Variants in RBFOX1 observed in about 807,000 individuals in gnomAD.
RBFOX1 encodes RNA binding protein fox-1 homolog 1.
RBFOX1 carries 8 observed loss-of-function variants against 57.7 expected under a neutral mutation model. That is an observed-to-expected ratio of 0.14 (90% CI 0.08 to 0.25). The LOEUF (loss-of-function observed/expected upper bound fraction) is 0.25. RBFOX1 is among the 10% of genes least tolerant of loss of function. The pLI is 1.00. For synonymous variants in RBFOX1, 326 were observed against 222.4 expected, an observed-to-expected ratio of 1.47 and a Z score of -4.15; for missense variants, 611 against 548.5, an observed-to-expected ratio of 1.11 and a Z score of -1.14.
chr16:5,498,204 G>A (rs373077612), intron 2 of RBFOX1, among the ~76,000 whole-genome samples: 1 of 152,080 alleles, frequency 6.6e-6, no homozygotes, highest in African/African-American at 2.4e-5. Context: ...GTGCAATGGC[G>A]GGATCTCGGC....
chr16:5,375,773 C>T (rs1203674567), intron 1 of RBFOX1, among the ~76,000 whole-genome samples: 5 of 152,182 alleles, frequency 3.3e-5, no homozygotes, highest in Admixed American at 1.3e-4. Context: ...GCAGTGCGTT[C>T]GTCCCTGCAC....
chr16:7,689,452 A>C (rs1370089979), intron 14 of RBFOX1, among the ~76,000 whole-genome samples: 1 of 152,132 alleles, frequency 6.6e-6, no homozygotes, highest in Non-Finnish European at 1.5e-5. Context: ...TGCTACCTAC[A>C]GAACAGTGAA....
At chr16:5,855,976 C>CTTTTTTTTTT (rs1160702604) in intron 3 of RBFOX1, among the ~76,000 whole-genome samples, 10 of 77,692 alleles carry the variant, frequency 1.3e-4, no homozygotes, top group Non-Finnish European at 2.1e-4. Context: ...GTATGTTATT[C>CTTTTTTTTTT]TTTTTTTTTT....
chr16:7,216,138 T>C (rs982093748), intron 4 of RBFOX1, among the ~76,000 whole-genome samples: 3 of 152,226 alleles, frequency 2.0e-5, no homozygotes, highest in Admixed American at 6.5e-5. Context: ...CCAGACAACA[T>C]ACTGTTGTGT....
chr16:6,338,466 C>T (rs1396313505), intron 2 of RBFOX1, among the ~76,000 whole-genome samples: 1 of 152,192 alleles, frequency 6.6e-6, no homozygotes, highest in Non-Finnish European at 1.5e-5. Context: ...TTTTAATAGG[C>T]AGATGAGTTG....
chr16:6,501,033 G>T (rs2095901999), intron 2 of RBFOX1, among the ~76,000 whole-genome samples: 1 of 151,306 alleles, frequency 6.6e-6, no homozygotes, highest in Non-Finnish European at 1.5e-5. Context: ...AGGGTAGGAT[G>T]GTCTCACTGC....
intron 2 of RBFOX1, among the ~76,000 whole-genome samples, chr16:6,653,794 A>C (rs1217799948): frequency 6.6e-6 from 1 of 151,282 alleles, no homozygotes; most frequent in Non-Finnish European, 1.5e-5. Context: ...GGGTGGATGG[A>C]TGGATGAGTA....
At chr16:6,280,730 A>C (rs923598416) in intron 1 of RBFOX1, among the ~76,000 whole-genome samples, 1 of 152,090 alleles carries the variant, frequency 6.6e-6, no homozygotes, top group Non-Finnish European at 1.5e-5. Context: ...ATCACGGTTT[A>C]TGTGTTTATA....
intron 14 of RBFOX1, among the ~76,000 whole-genome samples, chr16:7,688,596 C>G (rs867054014): frequency 1.4e-4 from 22 of 151,890 alleles, no homozygotes; most frequent in African/African-American, 4.1e-4. Flanking sequence ...GGAAAACTGC[C>G]AAGAGATGAG....
chr16:7,201,897 A>G (rs1254707293), intron 4 of RBFOX1, among the ~76,000 whole-genome samples: 2 of 152,188 alleles, frequency 1.3e-5, no homozygotes, highest in Non-Finnish European at 2.9e-5. Flanking sequence ...GTAGACTTAG[A>G]TGGCAGAGGA....
chr16:7,109,625 G>C lies in RBFOX1; in HGVS notation c.27+57527G>C, dbSNP rs146882242. Among the ~76,000 whole-genome samples the C allele has an allele frequency of 7.6e-4, 115 of 152,178 alleles. 1 individual carries two copies. The Middle Eastern group carries it at 0.014, about 18-fold the overall frequency. On this transcript the variant is annotated intron_variant, in intron 4 of 15. Coordinates refer to ENST00000550418, the MANE Select transcript of RBFOX1 (RefSeq NM_018723.4). ...TCACAAGCCCAGTTTTAGGGGAAAG[G>C]GCTCTAAGAGTAGAGACATCCATAT... is the stretch of plus-strand genomic sequence containing the variant.
intron 2 of RBFOX1, among the ~76,000 whole-genome samples, chr16:6,426,867 G>A (rs985485963): frequency 1.2e-4 from 19 of 152,186 alleles, no homozygotes; most frequent in Admixed American, 1.2e-3. Context: ...TCTCAGTGGT[G>A]TAAACTTCTT....
chr16:5,986,319 C>A (rs1010321765), intron 4 of RBFOX1, among the ~76,000 whole-genome samples: 48 of 152,372 alleles, frequency 3.2e-4, no homozygotes, highest in African/African-American at 1.1e-3. Flanking sequence ...CCGCCCCGGC[C>A]TCCCATAGTG....
chr16:7,385,670 C>G (rs909836812), intron 4 of RBFOX1, among the ~76,000 whole-genome samples: 3 of 152,092 alleles, frequency 2.0e-5, no homozygotes, highest in African/African-American at 7.2e-5. Flanking sequence ...GATTTCTACA[C>G]AGGGATGCAA....
chr16:5,485,245 C>G (rs2069686088), intron 2 of RBFOX1, among the ~76,000 whole-genome samples: 1 of 145,950 alleles, frequency 6.9e-6, no homozygotes, highest in African/African-American at 2.5e-5. Flanking sequence ...ACTCGGGAGG[C>G]TGAGGCAGGA....
rs535142732 is a variant in RBFOX1 at position 5,567,864 on chromosome 16, A to G, written c.259-31038A>G. On this transcript the variant is annotated intron_variant, in intron 2 of 2. Transcript: ENST00000585867. ...ATCCCCACGACTTTCTTATTAAGGA[A>G]GTAGGGTTGTTACCCCATTTTATGT... 4.6e-5 allele frequency among the ~76,000 whole-genome samples: 7 copies of G among 152,308 alleles called. No homozygotes were observed. The South Asian group carries it at 1.4e-3, about 32-fold the overall frequency.
At chr16:7,498,187 G>C (rs2069330080) in intron 4 of RBFOX1, among the ~76,000 whole-genome samples, 1 of 152,156 alleles carries the variant, frequency 6.6e-6, no homozygotes, top group Non-Finnish European at 1.5e-5. Context: ...TGGAGATCAA[G>C]CTTCCCTGTT....
intron 3 of RBFOX1, among the ~76,000 whole-genome samples, chr16:6,705,722 A>C (rs1284196029): frequency 6.6e-6 from 1 of 152,194 alleles, no homozygotes; most frequent in Non-Finnish European, 1.5e-5. Context: ...AAGAGGGATA[A>C]AATTATAAAT....
At chr16:6,641,405 T>C (rs1249725200) in intron 2 of RBFOX1, among the ~76,000 whole-genome samples, 2 of 152,158 alleles carry the variant, frequency 1.3e-5, no homozygotes, top group Non-Finnish European at 2.9e-5. Flanking sequence ...TGTTTTGTTT[T>C]GGTGCTGGTG....
Sources: allele counts gnomAD v4.1 joint callset (sites outside exome capture counted in the v4.1 genomes callset), GRCh38; gene constraint gnomAD v4.1.1; transcripts MANE v1.5; gene names NCBI Gene and HGNC (gene_info 2026-07-23, HGNC 2026-07-21).